RNASEH2B: variants seen among roughly 807,000 people sequenced by gnomAD.
RNASEH2B encodes the protein ribonuclease H2 subunit B.
RNASEH2B carries 36 observed loss-of-function variants against 45.0 expected under a neutral mutation model. The ratio of observed to expected loss-of-function variants is 0.80; its 90% CI spans 0.61 to 1.06. The LOEUF (loss-of-function observed/expected upper bound fraction) is 1.06. Among genes scored for constraint, RNASEH2B ranks in the 50% least tolerant of loss-of-function variants. The pLI, the probability that RNASEH2B is intolerant of heterozygous loss-of-function variation, is 0.00. For synonymous variants in RNASEH2B, 119 were observed against 125.7 expected (o/e 0.95, Z 0.35); for missense variants, 361 against 360.3 (o/e 1.00, Z -0.02).
downstream of RNASEH2B, among the ~76,000 whole-genome samples, chr13:50,957,863 A>G (rs1241325050): frequency 1.3e-5 from 2 of 152,070 alleles, no homozygotes; most frequent in Non-Finnish European, 2.9e-5. Flanking sequence ...ATTAGTGATG[A>G]TGGGCGTTTT....
intron 5 of RNASEH2B, chr13:50,936,166 T>G (rs1566083121): frequency 6.6e-6 from 1 of 152,220 alleles, no homozygotes; most frequent in Non-Finnish European, 1.5e-5. Flanking sequence ...TCATTTAATT[T>G]TTCAGAGGGA....
At chr13:50,923,678 G>A (rs1951553558) in intron 1 of RNASEH2B, among the ~76,000 whole-genome samples, 1 of 152,202 alleles carries the variant, frequency 6.6e-6, no homozygotes, top group Admixed American at 6.5e-5. Context: ...TATGAAGGGA[G>A]TCCTTCAGAT....
chr13:50,926,639 T>G (rs1451668080), intron 1 of RNASEH2B, among the ~76,000 whole-genome samples: 4 of 152,142 alleles, frequency 2.6e-5, no homozygotes, highest in African/African-American at 9.7e-5. Context: ...TTTCTAAATA[T>G]TAAATGAAAA....
Position 50,910,259 on chromosome 13 carries a change from A to T in RNASEH2B, c.64+119A>T, listed in dbSNP as rs1593440159. The T allele has an allele frequency of 3.2e-5, 21 of 648,880 alleles. No homozygotes were observed. In the East Asian group the frequency reaches 7.1e-4, roughly 22 times the overall value. The allele number at this position is 648,880 out of a possible 1,614,324, so 40.2% of individuals were successfully genotyped here. A position where few individuals can be genotyped will look rare whatever the true frequency, so the allele number is the denominator to read the frequency against. On this transcript the variant is annotated intron_variant, in intron 1 of 10. Transcript: ENST00000336617. ...ACTACCCGGCCCGGCGCGGGATGGGATTCTCTCTGGGACAGCTGGCCCCGC... is the reference window on the plus strand; with the variant it reads ...ACTACCCGGCCCGGCGCGGGATGGGTTTCTCTCTGGGACAGCTGGCCCCGC...
At position 50,935,002 on chromosome 13, in the gene RNASEH2B, A is replaced by G. The variant is rs1951728402; in HGVS notation, c.436+3A>G. The G allele has an allele frequency of 6.3e-7, 1 of 1,592,852 alleles. No homozygotes were observed. Among genetic ancestry groups the G allele is most frequent in the African/African-American group, 1.3e-5 (1 of 74,484 alleles). On this transcript the variant is annotated splice_donor_region_variant and intron_variant, in intron 5 of 10. Coordinates refer to ENST00000336617, the MANE Select transcript of RNASEH2B (RefSeq NM_024570.4). The stretch of plus-strand genomic sequence containing the variant: ...TCATCATGTGACAGAGGAAAAAGGT[A>G]TGGTATAACTTAAAGGCTTATGGCT...
intron 9 of RNASEH2B, among the ~76,000 whole-genome samples, chr13:50,965,898 A>T (rs543003771): frequency 6.6e-6 from 1 of 152,174 alleles, no homozygotes; most frequent in Non-Finnish European, 1.5e-5. Flanking sequence ...TGTGGTTTTT[A>T]TAAACTCTTT....
intron 7 of RNASEH2B, among the ~76,000 whole-genome samples, chr13:50,946,851 T>C (rs1951906313): frequency 6.6e-6 from 1 of 152,162 alleles, no homozygotes; most frequent in African/African-American, 2.4e-5. Context: ...AAGCAGCAAA[T>C]GAACTATATG....
rs778980232 is a variant in RNASEH2B at position 50,954,014 on chromosome 13, C to T, written c.822+29C>T. On this transcript the variant is annotated intron_variant, in intron 10 of 10. Transcript: ENST00000336617. ...TGTGGGTTCAGGTGTAGTGGTGTTT[C>T]GTTCATACTCAGTGCGTGATGTGCA... 3.4e-5 allele frequency: 46 copies of T among 1,369,958 alleles called. 2 individuals are homozygous for T. The South Asian group carries it at 3.6e-4, about 11-fold the overall frequency. The allele number at this position is 1,369,958 out of a possible 1,614,324, so 84.9% of individuals were successfully genotyped here.
chr13:50,941,236 T>G (rs1951829252), intron 5 of RNASEH2B: 1 of 152,316 alleles, frequency 6.6e-6, no homozygotes, highest in South Asian at 2.1e-4. Context: ...TTATCACATT[T>G]CATGCTCAGA....
intron 6 of RNASEH2B, among the ~76,000 whole-genome samples, chr13:50,944,834 TA>T (rs1244681684): frequency 6.6e-6 from 1 of 152,120 alleles, no homozygotes; most frequent in Non-Finnish European, 1.5e-5. Context: ...AGAATGAGAA[TA>T]AATGCGGAGC....
chr13:50,970,166 C>G (rs1952207565), exon 10 of RNASEH2B: 3 of 639,516 alleles, frequency 4.7e-6, no homozygotes, highest in African/African-American at 1.8e-5. Flanking sequence ...CTGGAGCACT[C>G]AGCTAGGCGG....
chr13:50,930,066 TTC>T (rs960435365), intron 3 of RNASEH2B: 63 of 214,242 alleles, frequency 2.9e-4, no homozygotes, highest in Non-Finnish European at 4.5e-4. Flanking sequence ...AGCACCAAAG[TTC>T]TGTTTCTTGT....
chr13:50,913,419 G>C (rs1879544426), intron 1 of RNASEH2B, among the ~76,000 whole-genome samples: 1 of 151,806 alleles, frequency 6.6e-6, no homozygotes, highest in South Asian at 2.1e-4. Context: ...TATTGCTGTT[G>C]GGGGCTGAAC....
At chr13:50,922,126 C>G (rs914104957) in intron 1 of RNASEH2B, among the ~76,000 whole-genome samples, 1 of 152,134 alleles carries the variant, frequency 6.6e-6, no homozygotes, top group African/African-American at 2.4e-5. Context: ...TTGCTCTGTT[C>G]CCACAGAGCC....
At chr13:50,957,972 G>A (rs565387221), downstream of RNASEH2B, among the ~76,000 whole-genome samples, 7 of 152,142 alleles carry the variant, frequency 4.6e-5, no homozygotes, top group Non-Finnish European at 7.4e-5. Context: ...TTATTGATTT[G>A]TGTAAGTTCC....
chr13:50,914,649 C>T (rs1407460753), intron 1 of RNASEH2B, among the ~76,000 whole-genome samples: 2 of 152,192 alleles, frequency 1.3e-5, no homozygotes, highest in African/African-American at 2.4e-5. Flanking sequence ...TATCTGAGCA[C>T]GTTCTGAAGT....
In RNASEH2B at chr13:50,910,047, G is replaced by A. The variant is rs1381160260; in HGVS notation, c.-30G>A. The A allele has an allele frequency of 1.4e-5, 21 of 1,464,210 alleles. No homozygotes were observed. Among genetic ancestry groups the A allele is most frequent in the Non-Finnish European group, 1.6e-5 (18 of 1,111,748 alleles). 90.7% of individuals were successfully genotyped at this position (1,464,210 alleles called of 1,614,324 possible). A position where few individuals can be genotyped will look rare whatever the true frequency, so the allele number is the denominator to read the frequency against. On this transcript the variant is annotated 5_prime_UTR_variant, in exon 1 of 11. Transcript: ENST00000336617. ...GGGAGACTGAGGCCCGCGGCGCTGA[G>A]CCTGCGGCGCCCCGGAAGAGGCGGG...
chr13:50,941,392 G>T (rs900506453), intron 5 of RNASEH2B: 5 of 152,182 alleles, frequency 3.3e-5, no homozygotes, highest in African/African-American at 7.2e-5. Context: ...CCTTCTTAGA[G>T]AATAATTCCC....
chr13:50,910,892 G>T (rs1879347648), intron 1 of RNASEH2B: 1 of 152,236 alleles, frequency 6.6e-6, no homozygotes, highest in South Asian at 2.1e-4. Flanking sequence ...CCTGTTCCCT[G>T]TATTAAGTTT....
Sources: gnomAD v4.1 joint callset for allele counts (sites outside exome capture counted in the v4.1 genomes callset) on GRCh38, gnomAD v4.1.1 for gene constraint, MANE v1.5 for transcripts, NCBI Gene and HGNC (gene_info 2026-07-23, HGNC 2026-07-21) for gene names.